Variants in DGKG observed in about 807,000 individuals in gnomAD.
The protein encoded by DGKG is DAG kinase gamma.
Under a neutral mutation model 105.3 loss-of-function variants are expected in DGKG, and 78 were observed. The ratio of observed to expected loss-of-function variants is 0.74; its 90% CI spans 0.62 to 0.89. DGKG has a LOEUF of 0.89. DGKG is among the 40% of genes least tolerant of loss of function. The pLI, the probability that DGKG is intolerant of heterozygous loss-of-function variation, is 0.00. For synonymous variants in DGKG, 346 were observed against 367.1 expected (o/e 0.94, Z 0.66); for missense variants, 958 against 1,020.1 (o/e 0.94, Z 0.83).
At chr3:186,269,177 A>C (rs1314035943) in intron 11 of DGKG, among the ~76,000 whole-genome samples, 1 of 152,252 alleles carries the variant, frequency 6.6e-6, no homozygotes, top group Non-Finnish European at 1.5e-5. Context: ...CCTGGAAGGC[A>C]GGCCTCTGAG....
rs139475841 is a variant in DGKG at position 186,179,400 on chromosome 3, C to G, written c.2095+8802G>C. Among the ~76,000 whole-genome samples the G allele has an allele frequency of 5.4e-3, 817 of 152,266 alleles. 11 individuals carry two copies. Among genetic ancestry groups the G allele is most frequent in the African/African-American group, 0.019 (780 of 41,548 alleles). ...GTTTGCCAGCCCCTACTGTAAAGGA[C>G]TGAGGATTGGTCTGTGTGAGCCAAA... On this transcript the variant is annotated intron_variant, in intron 22 of 24. Coordinates refer to ENST00000265022, the MANE Select transcript of DGKG (RefSeq NM_001346.3).
chr3:186,274,577 CCA>C (rs1722489132), intron 10 of DGKG, among the ~76,000 whole-genome samples: 1 of 136,794 alleles, frequency 7.3e-6, no homozygotes, highest in African/African-American at 2.7e-5. Context: ...GTGATGTTCC[CCA>C]CTCTGTGTCC....
At chr3:186,283,414 C>T (rs1722916065) in intron 7 of DGKG, among the ~76,000 whole-genome samples, 1 of 152,146 alleles carries the variant, frequency 6.6e-6, no homozygotes, top group South Asian at 2.1e-4. Context: ...TGTTCTTTCT[C>T]CTGGAAGGCT....
chr3:186,152,581 T>C (rs1715813528), intron 24 of DGKG, among the ~76,000 whole-genome samples: 1 of 152,198 alleles, frequency 6.6e-6, no homozygotes, highest in Admixed American at 6.5e-5. Context: ...TGATAAGCCC[T>C]ACGTGCTGGC....
At position 186,164,810 on chromosome 3, in the gene DGKG, A is replaced by G. The variant is rs1045444041; in HGVS notation, c.2216+88T>C. 2.0e-6 allele frequency: 3 copies of G among 1,470,316 alleles called. No individual in the cohort carries two copies. In the African/African-American group the frequency reaches 4.2e-5, roughly 21 times the overall value. The allele number at this position is 1,470,316 out of a possible 1,614,324, so 91.1% of individuals were successfully genotyped here. ...TTTTGTGCTGCACTCTCCCTGCCCT[A>G]AAATCCAAAGATGGCTTCTCAGTTG... On this transcript the variant is annotated intron_variant, in intron 23 of 24. Transcript: ENST00000265022.
rs1328803031 is a variant in DGKG at position 186,147,763 on chromosome 3, G to A, written c.*2327C>T. 2.6e-5 allele frequency: 26 copies of A among 985,208 alleles called. No homozygotes were observed. The highest frequency in any genetic ancestry group is 2.9e-5 in the Non-Finnish European group (24 of 829,912). The allele number at this position is 985,208 out of a possible 1,614,324, so 61.0% of individuals were successfully genotyped here. A position where few individuals can be genotyped will look rare whatever the true frequency, so the allele number is the denominator to read the frequency against. On this transcript the variant is annotated 3_prime_UTR_variant, in exon 25 of 25. Transcript: ENST00000265022. ...CTTGGGGATCATGGCTGAAACACATGCACGAACTTCTGTAAATGTCTTAGA... is the reference window on the plus strand; with the variant it reads ...CTTGGGGATCATGGCTGAAACACATACACGAACTTCTGTAAATGTCTTAGA...
intron 24 of DGKG, among the ~76,000 whole-genome samples, chr3:186,151,290 C>T (rs532151215): frequency 2.0e-5 from 3 of 152,324 alleles, no homozygotes; most frequent in Non-Finnish European, 4.4e-5. Flanking sequence ...GAAACAGAAC[C>T]TATGAACTCA....
intron 9 of DGKG, among the ~76,000 whole-genome samples, chr3:186,276,563 A>G (rs1722598145): frequency 6.6e-6 from 1 of 152,232 alleles, no homozygotes; most frequent in South Asian, 2.1e-4. Flanking sequence ...CAGAAAAAAT[A>G]GTGAAAAGAC....
chr3:186,272,122 T>C, intron 11 of DGKG, 133 bp downstream of exon 11: 1 of 687,950 alleles, frequency 1.5e-6, no homozygotes, highest in South Asian at 1.7e-5. Flanking sequence ...ACGGGATGGT[T>C]TACAGGTGGT....
chr3:186,155,349 T>A (rs1402278575), intron 24 of DGKG, among the ~76,000 whole-genome samples: 1 of 152,076 alleles, frequency 6.6e-6, no homozygotes, highest in Non-Finnish European at 1.5e-5. Context: ...CCCACCACCA[T>A]GCTCGGCTAA....
chr3:186,171,743 C>A (rs1427176992), intron 22 of DGKG, among the ~76,000 whole-genome samples: 4 of 152,216 alleles, frequency 2.6e-5, no homozygotes, highest in Non-Finnish European at 5.9e-5. Flanking sequence ...GGGTAACAGG[C>A]TTTCCATGAA....
intron 21 of DGKG, among the ~76,000 whole-genome samples, chr3:186,202,398 G>A (rs931758582): frequency 1.3e-5 from 2 of 152,154 alleles, no homozygotes; most frequent in Admixed American, 6.6e-5. Flanking sequence ...ATCCACTATA[G>A]CCAACAAGAC....
intron 1 of DGKG, among the ~76,000 whole-genome samples, chr3:186,337,617 C>G (rs1445055785): frequency 1.3e-5 from 2 of 151,946 alleles, no homozygotes; most frequent in Non-Finnish European, 2.9e-5. Context: ...TATGAGAGAT[C>G]CCAGTTAATG....
chr3:186,161,226 C>A, intron 24 of DGKG: 1 of 1,009,394 alleles, frequency 9.9e-7, no homozygotes, highest in Non-Finnish European at 1.2e-6. Flanking sequence ...AGCAATTTGA[C>A]TTGTTCATCA....
chr3:186,150,351 C>T (rs944873625), intron 24 of DGKG, among the ~76,000 whole-genome samples, 163 bp from the exon 25 acceptor site: 1 of 152,132 alleles, frequency 6.6e-6, no homozygotes, highest in Non-Finnish European at 1.5e-5. Flanking sequence ...TTGACCCTGA[C>T]TGGGCCTGGA....
chr3:186,197,486 C>A (rs1718237677), intron 21 of DGKG, among the ~76,000 whole-genome samples: 1 of 152,068 alleles, frequency 6.6e-6, no homozygotes, highest in African/African-American at 2.4e-5. Context: ...AGAGAAAGCA[C>A]CAATAAGCCA....
chr3:186,303,782 C>T (rs779941282), intron 3 of DGKG, among the ~76,000 whole-genome samples: 28 of 152,196 alleles, frequency 1.8e-4, no homozygotes, highest in Non-Finnish European at 3.8e-4. Flanking sequence ...GCATGTTCAT[C>T]ACGGCCAGAT....
chr3:186,291,838 TATACG>T (rs374276218), intron 5 of DGKG, among the ~76,000 whole-genome samples: 3 of 152,218 alleles, frequency 2.0e-5, no homozygotes, highest in African/African-American at 7.2e-5. Context: ...TTTACAGGTA[TATACG>T]TGTGTCAAAA....
chr3:186,233,343 A>G (rs1213002538), intron 20 of DGKG, among the ~76,000 whole-genome samples: 1 of 152,176 alleles, frequency 6.6e-6, no homozygotes, highest in Admixed American at 6.5e-5. Flanking sequence ...GACACCTGGA[A>G]AAGGCAAGGA....
Sources: allele counts gnomAD v4.1 joint callset (sites outside exome capture counted in the v4.1 genomes callset), GRCh38; gene constraint gnomAD v4.1.1; transcripts MANE v1.5; gene names NCBI Gene and HGNC (gene_info 2026-07-23, HGNC 2026-07-21).